The following BLTP3A variants were observed in gnomAD, a reference collection of about 807,000 sequenced individuals.
BLTP3A encodes the protein ICBP90 binding protein 1.
chr6:34,810,371 C>T, the BLTP3A span, among the ~76,000 whole-genome samples: 6 of 152,226 alleles, frequency 3.9e-5, no homozygotes. Flanking sequence ...TGATTCACAT[C>T]ATACAACGTT....
the BLTP3A span, among the ~76,000 whole-genome samples, chr6:34,809,667 G>GC: frequency 3.9e-5 from 6 of 152,090 alleles, no homozygotes; most frequent in Non-Finnish European, 8.8e-5. Context: ...CCGGGTTCAA[G>GC]CGATTCTCCT....
chr6:34,846,977 G>A, the BLTP3A span, among the ~76,000 whole-genome samples: 1 of 152,170 alleles, frequency 6.6e-6, no homozygotes, highest in Non-Finnish European at 1.5e-5. Flanking sequence ...CATGAGGGAT[G>A]TTGAATTTTA....
chr6:34,792,126 TGGCGGC>T, the BLTP3A span: 1 of 709,714 alleles, frequency 1.4e-6, no homozygotes, highest in Non-Finnish European at 2.0e-6. Flanking sequence ...GAAAGCGCCA[TGGCGGC>T]GGCGGCGGCT....
the BLTP3A span, among the ~76,000 whole-genome samples, chr6:34,853,648 C>T: frequency 6.6e-6 from 1 of 151,992 alleles, no homozygotes; most frequent in Non-Finnish European, 1.5e-5. Context: ...GCAACCTCTG[C>T]CTCCCGGGTT....
At chr6:34,805,578 A>C in the BLTP3A span, among the ~76,000 whole-genome samples, 1 of 144,142 alleles carries the variant, frequency 6.9e-6, no homozygotes, top group African/African-American at 2.7e-5. Flanking sequence ...GGGCAGCAGA[A>C]GGCGACTTGG....
At chr6:34,830,244 C>G in the BLTP3A span, among the ~76,000 whole-genome samples, 1 of 152,010 alleles carries the variant, frequency 6.6e-6, no homozygotes, top group Non-Finnish European at 1.5e-5. Flanking sequence ...TTGTAGAACT[C>G]TTCTCTATGA....
At chr6:34,797,743 A>G in the BLTP3A span, among the ~76,000 whole-genome samples, 1 of 152,226 alleles carries the variant, frequency 6.6e-6, no homozygotes, top group African/African-American at 2.4e-5. Flanking sequence ...ATAATAGCCC[A>G]CTGTGCTAAT....
At chr6:34,835,886 C>A in the BLTP3A span, among the ~76,000 whole-genome samples, 1 of 152,176 alleles carries the variant, frequency 6.6e-6, no homozygotes, top group South Asian at 2.1e-4. Flanking sequence ...TAGCATCAGT[C>A]CACTAAGACC....
the BLTP3A span, among the ~76,000 whole-genome samples, chr6:34,827,203 C>T: frequency 4.0e-5 from 6 of 151,674 alleles, no homozygotes; most frequent in African/African-American, 7.3e-5. Context: ...CCCAGCTACT[C>T]GGGAGGCTGA....
the BLTP3A span, chr6:34,859,261 C>T: frequency 6.2e-7 from 1 of 1,614,100 alleles, no homozygotes; most frequent in South Asian, 1.1e-5. Flanking sequence ...AGGGAAGGGC[C>T]ATGAGGCAGT....
At chr6:34,856,588 G>A in the BLTP3A span, among the ~76,000 whole-genome samples, 2 of 152,178 alleles carry the variant, frequency 1.3e-5, no homozygotes, top group African/African-American at 4.8e-5. Context: ...CAGTGTTGAT[G>A]TCATGTCATC....
the BLTP3A span, among the ~76,000 whole-genome samples, chr6:34,795,066 C>T: frequency 6.6e-6 from 1 of 150,658 alleles, no homozygotes; most frequent in Non-Finnish European, 1.5e-5. Flanking sequence ...GGATTACAGG[C>T]GTGAGCCACC....
the BLTP3A span, chr6:34,867,307 T>C: frequency 6.2e-7 from 1 of 1,614,190 alleles, no homozygotes; most frequent in Non-Finnish European, 8.5e-7. Context: ...CTCTTGTGAA[T>C]AATTATGGCC....
the BLTP3A span, among the ~76,000 whole-genome samples, chr6:34,807,894 A>G: frequency 2.0e-5 from 3 of 151,900 alleles, no homozygotes; most frequent in African/African-American, 4.8e-5. Context: ...ACAAAAAATT[A>G]GCTGGGTGTG....
the BLTP3A span, among the ~76,000 whole-genome samples, chr6:34,811,900 T>C: frequency 6.6e-6 from 1 of 151,026 alleles, no homozygotes; most frequent in Non-Finnish European, 1.5e-5. Context: ...TGTAGTGGAG[T>C]GCACCTGTAG....
At chr6:34,795,307 C>T in the BLTP3A span, among the ~76,000 whole-genome samples, 47 of 151,326 alleles carry the variant, frequency 3.1e-4, 1 homozygote, top group Admixed American at 3.1e-3. Flanking sequence ...TCTTGAACTC[C>T]TGGCTTCAAG....
At chr6:34,872,962 A>G in the BLTP3A span, 1 of 153,350 alleles carries the variant, frequency 6.5e-6, no homozygotes, top group Non-Finnish European at 1.5e-5. Context: ...GTGTGGGGGA[A>G]GGGGGCAGGA....
chr6:34,859,626 C>A, the BLTP3A span: 2 of 1,592,418 alleles, frequency 1.3e-6, no homozygotes, highest in African/African-American at 1.3e-5. Context: ...TAGTTCTGAT[C>A]ATTGGGTTTA....
At chr6:34,821,631 T>C in the BLTP3A span, 1 of 1,587,952 alleles carries the variant, frequency 6.3e-7, no homozygotes, top group Non-Finnish European at 8.6e-7. Flanking sequence ...AAATAATAGC[T>C]TCTTATCATT....
Sources: allele counts gnomAD v4.1 joint callset (sites outside exome capture counted in the v4.1 genomes callset), GRCh38; gene constraint gnomAD v4.1.1; transcripts MANE v1.5; gene names NCBI Gene and HGNC (gene_info 2026-07-23, HGNC 2026-07-21).